The following B4GALNT2 variants were observed in gnomAD, a reference collection of about 807,000 sequenced individuals.
The protein encoded by B4GALNT2 is N-acetylneuraminylgalactosylglucosyl-glucoside beta-1,4-N- acetylgalactosaminyltransferase 2.
A neutral mutation model predicts 51.1 loss-of-function variants in B4GALNT2; 42 were observed. The observed-to-expected ratio is 0.82, with a 90% CI of 0.64 to 1.06. The LOEUF (loss-of-function observed/expected upper bound fraction) is 1.06. Among genes scored for constraint, B4GALNT2 ranks in the 50% least tolerant of loss-of-function variants. The pLI, the probability that B4GALNT2 is intolerant of heterozygous loss-of-function variation, is 0.00. For missense variants in B4GALNT2, 602 were observed against 633.6 expected (o/e 0.95, Z 0.54); for synonymous variants, 253 against 251.7 (o/e 1.01, Z -0.05).
intron 5 of B4GALNT2, among the ~76,000 whole-genome samples, chr17:49,158,514 T>C (rs769815327): frequency 9.2e-5 from 14 of 151,968 alleles, no homozygotes; most frequent in Non-Finnish European, 1.9e-4. Flanking sequence ...GGCTCATGCC[T>C]GTAATCCCAG....
At chr17:49,147,434 G>A (rs936252639) in intron 3 of B4GALNT2, among the ~76,000 whole-genome samples, 3 of 149,616 alleles carry the variant, frequency 2.0e-5, no homozygotes, top group Non-Finnish European at 3.0e-5. Flanking sequence ...GAGTGCAGTG[G>A]TGCAATCTCT....
chr17:49,171,767 G>GTGCAGCACCTCTACCTGTTC lies in B4GALNT2; in HGVS notation c.*2044_*2063dup, dbSNP rs2042958933. ...CAATAATGATTCCATAGGAATCGTT[G>GTGCAGCACCTCTACCTGTTC]TGCAGCACCTCTACCTGTTCTGCAA... On this transcript the variant is annotated 3_prime_UTR_variant, in exon 11 of 11. Transcript: ENST00000393354. 2 of 425,318 alleles carry GTGCAGCACCTCTACCTGTTC rather than the reference G, an allele frequency of 4.7e-6. No homozygotes were observed. The highest frequency in any genetic ancestry group is 1.5e-4 in the East Asian group (2 of 13,704). 26.3% of individuals were successfully genotyped at this position (425,318 alleles called of 1,614,324 possible).
intron 7 of B4GALNT2, among the ~76,000 whole-genome samples, chr17:49,163,227 G>A (rs774101288): frequency 9.2e-5 from 14 of 152,064 alleles, no homozygotes; most frequent in Non-Finnish European, 1.3e-4. Context: ...TCTCTTATAC[G>A]TCACATGCCT....
rs774207001 is a variant in B4GALNT2 at position 49,141,361 on chromosome 17, AC to A, written c.130del (p.Leu44SerfsTer11). 1 of 1,613,906 alleles carries A rather than the reference AC, an allele frequency of 6.2e-7. No homozygotes were observed. The highest frequency in any genetic ancestry group is 8.5e-7 in the Non-Finnish European group (1 of 1,180,010). On this transcript the variant is annotated frameshift_variant, in exon 2 of 11. Transcript: ENST00000393354. LOFTEE classifies it high-confidence loss of function. ...CAGTGTTCAGCAGCCCCAAGCCAGAACTCCCAAGTCCTGCCCCGGGTGTCCA... is the reference window on the plus strand; with the variant it reads ...CAGTGTTCAGCAGCCCCAAGCCAGAATCCCAAGTCCTGCCCCGGGTGTCCA... ...QAVFSSPKPELPSPAPGVQKL... is the reference protein window; with the variant it reads ...QAVFSSPKPEXPSPAPGVQKL...
upstream of B4GALNT2, among the ~76,000 whole-genome samples, chr17:49,128,933 C>T (rs541780527): frequency 3.0e-4 from 46 of 152,204 alleles, no homozygotes; most frequent in African/African-American, 1.1e-3. Context: ...GACCCAGAAT[C>T]CTCTTTATAA....
intron 3 of B4GALNT2, among the ~76,000 whole-genome samples, chr17:49,151,488 T>G (rs2042753312): frequency 6.6e-6 from 1 of 151,954 alleles, no homozygotes; most frequent in East Asian, 1.9e-4. Flanking sequence ...TGGCTAACAT[T>G]TGTAATCCCA....
chr17:49,159,241 A>G (rs1161782114), intron 6 of B4GALNT2, 24 bp downstream of exon 6: 1 of 1,610,568 alleles, frequency 6.2e-7, no homozygotes, highest in Non-Finnish European at 8.5e-7. Context: ...CTTGGAGTGC[A>G]AAATGCTTAG....
At chr17:49,127,775 C>T (rs569198249), upstream of B4GALNT2, among the ~76,000 whole-genome samples, 11 of 152,288 alleles carry the variant, frequency 7.2e-5, no homozygotes, top group South Asian at 2.3e-3. Flanking sequence ...CACTTATTCA[C>T]CTCTAATTCT....
chr17:49,136,837 G>C (rs1025077411), intron 1 of B4GALNT2, among the ~76,000 whole-genome samples: 2 of 151,948 alleles, frequency 1.3e-5, no homozygotes, highest in Non-Finnish European at 2.9e-5. Context: ...GTGAACCACC[G>C]GGCCCAGCCT....
chr17:49,146,923 A>G (rs1349616068), intron 3 of B4GALNT2, among the ~76,000 whole-genome samples: 4 of 152,252 alleles, frequency 2.6e-5, no homozygotes, highest in Admixed American at 2.6e-4. Context: ...ATGAAATTAC[A>G]TATGATAAAT....
In B4GALNT2 at chr17:49,159,092, G is replaced by A. The variant is rs768014101; in HGVS notation, c.554G>A (p.Ser185Asn). ...AACACCCTTGCTGATGTCCCAGACA[G>A]TGTGGTGCAGGGCAGAGGCCAGAAG... ...TLNTLADVPD[S>N]VVQGRGQKQL... The change falls in exon 6 of 11, where the codon AGT becomes AAT. Residue 185 changes from serine (S) to asparagine (N), a missense_variant. Physicochemically the swap from Ser to Asn is conservative, Grantham distance 46. Transcript: ENST00000393354. 1 of 1,614,128 alleles carries A rather than the reference G, an allele frequency of 6.2e-7. No individual in the cohort carries two copies. Among genetic ancestry groups the A allele is most frequent in the Non-Finnish European group, 8.5e-7 (1 of 1,180,046 alleles).
chr17:49,163,578 A>C (rs982855567), intron 7 of B4GALNT2, among the ~76,000 whole-genome samples: 1 of 152,062 alleles, frequency 6.6e-6, no homozygotes, highest in African/African-American at 2.4e-5. Context: ...CAACATAGTG[A>C]AACCCCATCT....
At chr17:49,152,772 G>A in intron 3 of B4GALNT2, 28 bp from the exon 4 acceptor site, 2 of 1,496,730 alleles carry the variant, frequency 1.3e-6, no homozygotes, top group Non-Finnish European at 1.8e-6. Context: ...CAGGGCAGCT[G>A]CTGACGTTTC....
At chr17:49,150,474 A>C (rs1306897510) in intron 3 of B4GALNT2, among the ~76,000 whole-genome samples, 3 of 152,176 alleles carry the variant, frequency 2.0e-5, no homozygotes, top group Non-Finnish European at 4.4e-5. Context: ...GTTTTGTGGA[A>C]TAGAAAGCGG....
intron 3 of B4GALNT2, among the ~76,000 whole-genome samples, chr17:49,147,378 C>T (rs72835411): frequency 0.029 from 3,011 of 104,702 alleles, 122 homozygotes; most frequent in African/African-American, 0.079. Context: ...TTCTTTCTTT[C>T]TTTTTTTTTT....
At chr17:49,126,055 A>G in the B4GALNT2 span, among the ~76,000 whole-genome samples, 1 of 151,978 alleles carries the variant, frequency 6.6e-6, no homozygotes, top group East Asian at 1.9e-4. Flanking sequence ...TGTGGAATAG[A>G]AAGGGGGGAA....
At chr17:49,153,844 C>T (rs181364325) in intron 4 of B4GALNT2, among the ~76,000 whole-genome samples, 6 of 151,620 alleles carry the variant, frequency 4.0e-5, no homozygotes, top group Admixed American at 6.6e-5. Context: ...TTATTGTATC[C>T]ACAACTGGGA....
At chr17:49,132,664 C>A, upstream of B4GALNT2, 1 of 1,150,722 alleles carries the variant, frequency 8.7e-7, no homozygotes, top group East Asian at 3.2e-5. Context: ...AGGGCGGGGG[C>A]CGTCCCAAGC....
At chr17:49,136,138 A>C (rs2042588430) in intron 1 of B4GALNT2, among the ~76,000 whole-genome samples, 1 of 151,692 alleles carries the variant, frequency 6.6e-6, no homozygotes, top group South Asian at 2.1e-4. Context: ...TTATTATATT[A>C]AATTTATAAA....
Sources: gnomAD v4.1 joint callset for allele counts (sites outside exome capture counted in the v4.1 genomes callset) on GRCh38, gnomAD v4.1.1 for gene constraint, MANE v1.5 for transcripts, NCBI Gene and HGNC (gene_info 2026-07-23, HGNC 2026-07-21) for gene names.